Variants in CNTN5 observed in about 807,000 individuals in gnomAD.
CNTN5 encodes the protein contactin 5.
CNTN5 carries 77 observed loss-of-function variants against 129.1 expected under a neutral mutation model. That is an observed-to-expected ratio of 0.60 (90% CI 0.50 to 0.72). CNTN5 has a LOEUF of 0.72. Among genes scored for constraint, CNTN5 ranks in the 30% least tolerant of loss-of-function variants. CNTN5 has a pLI of 0.00. For missense variants in CNTN5, 1,478 were observed against 1,328.8 expected (o/e 1.11, Z -1.75); for synonymous variants, 509 against 465.6 (o/e 1.09, Z -1.20).
At chr11:99,406,775 T>A (rs1942088978) in intron 2 of CNTN5, among the ~76,000 whole-genome samples, 2 of 152,166 alleles carry the variant, frequency 1.3e-5, no homozygotes, top group African/African-American at 2.4e-5. Context: ...AAGACACAGC[T>A]TTTTTCCGCT....
intron 1 of CNTN5, among the ~76,000 whole-genome samples, chr11:99,178,720 T>G (rs532516302): frequency 2.0e-5 from 3 of 152,294 alleles, no homozygotes; most frequent in Non-Finnish European, 2.9e-5. Flanking sequence ...TTAGCAAATT[T>G]ACCTTTTTGT....
intron 3 of CNTN5, among the ~76,000 whole-genome samples, chr11:99,791,656 G>C (rs1945747400): frequency 6.6e-6 from 1 of 152,208 alleles, no homozygotes; most frequent in African/African-American, 2.4e-5. Flanking sequence ...TGAGAAGAAT[G>C]TAATTGAAAG....
chr11:99,926,173 A>G (rs994884398), intron 7 of CNTN5, among the ~76,000 whole-genome samples: 2 of 152,174 alleles, frequency 1.3e-5, no homozygotes, highest in Non-Finnish European at 2.9e-5. Flanking sequence ...TTAAAATGCA[A>G]ATGCTTTTGA....
intron 15 of CNTN5, among the ~76,000 whole-genome samples, chr11:100,198,835 G>A (rs1009146014): frequency 6.6e-6 from 1 of 151,836 alleles, no homozygotes; most frequent in Non-Finnish European, 1.5e-5. Context: ...TGGAATATTA[G>A]GTGAATAGAA....
intron 17 of CNTN5, among the ~76,000 whole-genome samples, chr11:100,267,253 C>CCACACACACACACACACACACA (rs113458728): frequency 1.2e-4 from 17 of 143,760 alleles, no homozygotes; most frequent in Non-Finnish European, 6.0e-5. Context: ...CATGAATCAA[C>CCACACACACACACACACACACA]CACACACACA....
chr11:99,632,797 T>C (rs1289576117), intron 3 of CNTN5, among the ~76,000 whole-genome samples: 2 of 152,148 alleles, frequency 1.3e-5, no homozygotes, highest in African/African-American at 4.8e-5. Context: ...ATTTTCAGAT[T>C]TGAAAAGTTT....
intron 1 of CNTN5, among the ~76,000 whole-genome samples, chr11:99,248,910 C>A (rs1442114306): frequency 6.6e-6 from 1 of 152,096 alleles, no homozygotes; most frequent in African/African-American, 2.4e-5. Flanking sequence ...ATGCCTCCAG[C>A]TTTGTTCTTT....
intron 8 of CNTN5, among the ~76,000 whole-genome samples, chr11:99,979,812 T>A (rs570483626): frequency 5.3e-4 from 80 of 152,312 alleles, no homozygotes; most frequent in Non-Finnish European, 9.1e-4. Context: ...ATACATGGAA[T>A]ACAATTCATT....
intron 2 of CNTN5, among the ~76,000 whole-genome samples, chr11:99,441,634 C>T (rs1369756028): frequency 1.3e-5 from 2 of 152,132 alleles, no homozygotes; most frequent in Admixed American, 6.5e-5. Flanking sequence ...ACCAAAGTAA[C>T]TTATGAGAGG....
intron 2 of CNTN5, among the ~76,000 whole-genome samples, chr11:99,348,227 T>C (rs529219513): frequency 1.3e-5 from 2 of 152,240 alleles, no homozygotes; most frequent in South Asian, 4.2e-4. Flanking sequence ...TAGTTCCAGC[T>C]ACTTGGGAGG....
chr11:99,979,186 G>A (rs1195380678), intron 8 of CNTN5, among the ~76,000 whole-genome samples: 1 of 151,878 alleles, frequency 6.6e-6, no homozygotes, highest in Non-Finnish European at 1.5e-5. Flanking sequence ...TTTGACTCTC[G>A]AAGAACTCAT....
intron 2 of CNTN5, among the ~76,000 whole-genome samples, chr11:99,391,998 C>G (rs948800372): frequency 7.2e-5 from 11 of 151,936 alleles, no homozygotes; most frequent in African/African-American, 2.6e-4. Context: ...GTAAAATACT[C>G]ACAATGCTGA....
At chr11:100,330,286 AG>A (rs1376285233) in intron 21 of CNTN5, among the ~76,000 whole-genome samples, 2 of 152,202 alleles carry the variant, frequency 1.3e-5, no homozygotes, top group African/African-American at 4.8e-5. Flanking sequence ...ACAAACAGAA[AG>A]GAATTTTTAA....
At chr11:99,477,224 A>G (rs1945404678) in intron 2 of CNTN5, among the ~76,000 whole-genome samples, 1 of 151,994 alleles carries the variant, frequency 6.6e-6, no homozygotes. Context: ...GATTATTAAT[A>G]TTACACAATT....
At chr11:99,953,920 C>T (rs1173886178) in intron 7 of CNTN5, among the ~76,000 whole-genome samples, 1 of 152,126 alleles carries the variant, frequency 6.6e-6, no homozygotes, top group Non-Finnish European at 1.5e-5. Context: ...TTTCCCGTGC[C>T]TATGTCCTGG....
At chr11:99,773,816 A>G (rs1458262997) in intron 3 of CNTN5, among the ~76,000 whole-genome samples, 7 of 152,106 alleles carry the variant, frequency 4.6e-5, no homozygotes, top group Non-Finnish European at 1.0e-4. Flanking sequence ...CATGAGCGTG[A>G]CACACAAGGC....
chr11:100,210,257 G>A (rs1197989232), intron 15 of CNTN5, among the ~76,000 whole-genome samples: 1 of 150,906 alleles, frequency 6.6e-6, no homozygotes, highest in African/African-American at 2.4e-5. Context: ...GAGACAGGTG[G>A]GAGGATCGCT....
At chr11:99,519,458 C>A (rs1489576372) in intron 2 of CNTN5, among the ~76,000 whole-genome samples, 1 of 152,052 alleles carries the variant, frequency 6.6e-6, no homozygotes, top group Non-Finnish European at 1.5e-5. Context: ...ATGTGTGTTT[C>A]TGTTTCTAAG....
intron 2 of CNTN5, among the ~76,000 whole-genome samples, chr11:99,443,602 A>C (rs569994335): frequency 6.6e-6 from 1 of 152,320 alleles, no homozygotes; most frequent in East Asian, 1.9e-4. Flanking sequence ...GCAATGGCTC[A>C]AATAGAAATT....
Sources: allele counts gnomAD v4.1 joint callset (sites outside exome capture counted in the v4.1 genomes callset), GRCh38; gene constraint gnomAD v4.1.1; transcripts MANE v1.5; gene names NCBI Gene and HGNC (gene_info 2026-07-23, HGNC 2026-07-21).